Variants in CADPS2 observed in about 807,000 individuals in gnomAD.
CADPS2 encodes the protein calcium-dependent secretion activator 2.
Under a neutral mutation model 172.5 loss-of-function variants are expected in CADPS2, and 93 were observed. The ratio of observed to expected loss-of-function variants is 0.54; its 90% CI spans 0.46 to 0.64. CADPS2 has a LOEUF of 0.64. CADPS2 is among the 30% of genes least tolerant of loss of function. The pLI is 0.00. For synonymous variants in CADPS2, 546 were observed against 555.2 expected (o/e 0.98, Z 0.23); for missense variants, 1,420 against 1,565.9 (o/e 0.91, Z 1.57).
intron 1 of CADPS2, among the ~76,000 whole-genome samples, chr7:122,857,023 C>G (rs1815439172): frequency 6.6e-6 from 1 of 152,072 alleles, no homozygotes. Context: ...AAGGTTTTTG[C>G]AGATATTCAT....
At chr7:122,347,725 G>A (rs1316351399) in intron 27 of CADPS2, among the ~76,000 whole-genome samples, 1 of 152,078 alleles carries the variant, frequency 6.6e-6, no homozygotes, top group Non-Finnish European at 1.5e-5. Flanking sequence ...CAATAAAAAA[G>A]CTAGACTGTT....
chr7:122,627,169 A>C (rs2076164054), intron 4 of CADPS2, among the ~76,000 whole-genome samples: 1 of 152,238 alleles, frequency 6.6e-6, no homozygotes, highest in African/African-American at 2.4e-5. Flanking sequence ...TTATGTAATC[A>C]TGGTGAAATA....
intron 20 of CADPS2, among the ~76,000 whole-genome samples, chr7:122,394,067 G>T (rs1161664991): frequency 6.6e-6 from 1 of 152,046 alleles, no homozygotes; most frequent in African/African-American, 2.4e-5. Context: ...GGTGTCTGTG[G>T]GTTTGGGAAT....
intron 1 of CADPS2, among the ~76,000 whole-genome samples, chr7:122,824,653 A>C (rs1804372601): frequency 6.6e-6 from 1 of 152,148 alleles, no homozygotes; most frequent in African/African-American, 2.4e-5. Context: ...GATAGGCTGC[A>C]TGTTTTTTCC....
At chr7:122,841,941 A>T (rs1810648418) in intron 1 of CADPS2, among the ~76,000 whole-genome samples, 1 of 152,164 alleles carries the variant, frequency 6.6e-6, no homozygotes, top group African/African-American at 2.4e-5. Context: ...GATAACATGG[A>T]GGGTTTCTTT....
intron 1 of CADPS2, among the ~76,000 whole-genome samples, chr7:122,845,882 T>A (rs1297592649): frequency 6.6e-6 from 1 of 152,134 alleles, no homozygotes; most frequent in Non-Finnish European, 1.5e-5. Flanking sequence ...GGTCAAAAAG[T>A]ACTAAAAGGG....
chr7:122,625,242 G>T (rs2075974920), intron 4 of CADPS2, among the ~76,000 whole-genome samples: 1 of 151,918 alleles, frequency 6.6e-6, no homozygotes, highest in Admixed American at 6.6e-5. Flanking sequence ...TAGAGACGGG[G>T]TTTCTCCATG....
intron 6 of CADPS2, among the ~76,000 whole-genome samples, chr7:122,606,728 T>C (rs766679818): frequency 6.6e-6 from 1 of 152,026 alleles, no homozygotes; most frequent in Non-Finnish European, 1.5e-5. Flanking sequence ...GCCATACTAT[T>C]GTGGCTGGTG....
intron 9 of CADPS2, among the ~76,000 whole-genome samples, chr7:122,512,002 A>C (rs1249831526): frequency 3.3e-5 from 5 of 152,128 alleles, no homozygotes; most frequent in Admixed American, 3.3e-4. Context: ...TATACAAACA[A>C]ATTAAATCTG....
At chr7:122,500,030 G>T (rs2059068079) in intron 9 of CADPS2, among the ~76,000 whole-genome samples, 1 of 152,082 alleles carries the variant, frequency 6.6e-6, no homozygotes, top group Non-Finnish European at 1.5e-5. Context: ...GCAATCTATA[G>T]CTACCGCTGT....
chr7:122,758,345 T>C (rs2093249623), intron 1 of CADPS2, among the ~76,000 whole-genome samples: 1 of 152,160 alleles, frequency 6.6e-6, no homozygotes, highest in Admixed American at 6.5e-5. Flanking sequence ...TTTTAGAAGT[T>C]GAAGTAGAAT....
intron 4 of CADPS2, among the ~76,000 whole-genome samples, chr7:122,626,242 G>T (rs2076078360): frequency 6.6e-6 from 1 of 152,200 alleles, no homozygotes; most frequent in Admixed American, 6.6e-5. Context: ...ACTGGCTGTT[G>T]TGTTAATGAG....
intron 2 of CADPS2, among the ~76,000 whole-genome samples, chr7:122,669,301 A>G (rs1213465453): frequency 4.6e-5 from 7 of 151,968 alleles, no homozygotes; most frequent in Non-Finnish European, 1.0e-4. Flanking sequence ...ACTGCACTCC[A>G]AACTGAGTGA....
intron 1 of CADPS2, among the ~76,000 whole-genome samples, chr7:122,829,841 A>G (rs898563543): frequency 6.6e-6 from 1 of 152,206 alleles, no homozygotes; most frequent in Admixed American, 6.5e-5. Flanking sequence ...GTTGTATCTC[A>G]AAAGTCACCA....
intron 2 of CADPS2, among the ~76,000 whole-genome samples, chr7:122,733,564 G>T (rs146057450): frequency 2.6e-5 from 4 of 151,954 alleles, no homozygotes; most frequent in African/African-American, 7.2e-5. Flanking sequence ...AGCTAACTAG[G>T]TTTACATTCA....
In CADPS2 at chr7:122,393,311, T is replaced by C. The variant is rs1383869150; in HGVS notation, c.2893A>G (p.Ile965Val). 1 of 1,613,908 alleles carries C rather than the reference T, an allele frequency of 6.2e-7. No homozygotes were observed. The highest frequency in any genetic ancestry group is 8.5e-7 in the Non-Finnish European group (1 of 1,179,816). Residue 965 changes from isoleucine (I) to valine (V), a missense_variant, in exon 22 of 30, where the codon ATC becomes GTC. Transcript: ENST00000449022. Reference sequence around the variant, plus strand: ...GCTACATTGGGAAGACTGTTGGCGATATTCCTGTAAAGAAACAAACAACGT... The same window carrying C: ...GCTACATTGGGAAGACTGTTGGCGACATTCCTGTAAAGAAACAAACAACGT... ...EQETWQPVKNIANSLPNVALP... is the reference protein window; with the variant it reads ...EQETWQPVKNVANSLPNVALP...
chr7:122,408,584 C>T (rs1257458079), intron 19 of CADPS2, among the ~76,000 whole-genome samples: 1 of 152,064 alleles, frequency 6.6e-6, no homozygotes, highest in Non-Finnish European at 1.5e-5. Context: ...GCCACCATGC[C>T]CAGCTAATGT....
At chr7:122,593,583 G>C (rs1388520527) in intron 6 of CADPS2, among the ~76,000 whole-genome samples, 2 of 152,036 alleles carry the variant, frequency 1.3e-5, no homozygotes, top group African/African-American at 2.4e-5. Context: ...AGTGCACAGA[G>C]AATGTTCGTT....
chr7:122,481,157 T>C (rs1354893514), intron 11 of CADPS2, among the ~76,000 whole-genome samples: 3 of 144,246 alleles, frequency 2.1e-5, no homozygotes, highest in African/African-American at 7.7e-5. Flanking sequence ...TTTTCTTTCT[T>C]CATTCTTTTT....
Sources: allele counts gnomAD v4.1 joint callset (sites outside exome capture counted in the v4.1 genomes callset), GRCh38; gene constraint gnomAD v4.1.1; transcripts MANE v1.5; gene names NCBI Gene and HGNC (gene_info 2026-07-23, HGNC 2026-07-21).